The following PPM1H variants were observed in gnomAD, a reference collection of about 807,000 sequenced individuals.
PPM1H encodes protein phosphatase 1H.
Under a neutral mutation model 54.9 loss-of-function variants are expected in PPM1H, and 27 were observed. The observed-to-expected ratio is 0.49, with a 90% CI of 0.36 to 0.68. The LOEUF (loss-of-function observed/expected upper bound fraction) is 0.68. PPM1H is among the 30% of genes least tolerant of loss of function. The pLI, the probability that PPM1H is intolerant of heterozygous loss-of-function variation, is 0.00. For synonymous variants in PPM1H, 305 were observed against 270.8 expected (o/e 1.13, Z -1.24); for missense variants, 596 against 667.8 (o/e 0.89, Z 1.19).
intron 1 of PPM1H, among the ~76,000 whole-genome samples, chr12:62,913,339 G>A (rs746910330): frequency 6.6e-6 from 1 of 152,142 alleles, no homozygotes; most frequent in Non-Finnish European, 1.5e-5. Context: ...TGAGGATGTG[G>A]AAGATGCGCA....
intron 1 of PPM1H, among the ~76,000 whole-genome samples, chr12:62,908,805 G>A (rs997589826): frequency 4.6e-5 from 7 of 152,164 alleles, no homozygotes; most frequent in Non-Finnish European, 1.0e-4. Flanking sequence ...TATGGACCAC[G>A]TTTTCTCAAC....
intron 1 of PPM1H, among the ~76,000 whole-genome samples, chr12:62,890,747 CACACACACAT>C (rs1361827482): frequency 2.9e-5 from 4 of 139,328 alleles, no homozygotes; most frequent in Non-Finnish European, 4.4e-5. Flanking sequence ...CACACACACA[CACACACACAT>C]ATATATATAT....
intron 9 of PPM1H, among the ~76,000 whole-genome samples, chr12:62,662,263 A>T (rs2075888585): frequency 6.6e-6 from 1 of 152,248 alleles, no homozygotes; most frequent in East Asian, 1.9e-4. Flanking sequence ...GCAAAGCTTT[A>T]TAAAAATAAT....
chr12:62,784,174 G>A (rs1394273921), intron 4 of PPM1H, among the ~76,000 whole-genome samples: 1 of 152,176 alleles, frequency 6.6e-6, no homozygotes, highest in Non-Finnish European at 1.5e-5. Flanking sequence ...TCTGTGGCTG[G>A]TTAGCTCGGC....
At chr12:62,740,379 ACTT>A (rs565295226) in intron 4 of PPM1H, among the ~76,000 whole-genome samples, 46 of 152,170 alleles carry the variant, frequency 3.0e-4, no homozygotes, top group Admixed American at 8.5e-4. Flanking sequence ...CAGGGATACA[ACTT>A]CTTCTCCTGG....
chr12:62,789,933 T>A (rs1171391565), intron 3 of PPM1H, among the ~76,000 whole-genome samples: 2 of 152,266 alleles, frequency 1.3e-5, no homozygotes, highest in African/African-American at 2.4e-5. Flanking sequence ...ATTGAATGCC[T>A]GGCTAAAATA....
At chr12:62,848,810 A>C (rs1869070342) in intron 1 of PPM1H, among the ~76,000 whole-genome samples, 1 of 152,152 alleles carries the variant, frequency 6.6e-6, no homozygotes, top group South Asian at 2.1e-4. Flanking sequence ...CAGAAGCTCA[A>C]GAGACTCCTA....
chr12:62,699,881 T>C (rs1170307614), intron 6 of PPM1H, among the ~76,000 whole-genome samples: 2 of 152,232 alleles, frequency 1.3e-5, no homozygotes, highest in African/African-American at 4.8e-5. Flanking sequence ...TAATTGAGCC[T>C]GCCTTATTGA....
chr12:62,817,147 A>T (rs2076873201), intron 2 of PPM1H, among the ~76,000 whole-genome samples: 1 of 133,680 alleles, frequency 7.5e-6, no homozygotes, highest in Non-Finnish European at 1.7e-5. Context: ...GAAAAAAAAA[A>T]AAACTAAAAA....
At chr12:62,720,469 T>C (rs538739526) in intron 5 of PPM1H, among the ~76,000 whole-genome samples, 180 bp from the exon 6 acceptor site, 1 of 152,328 alleles carries the variant, frequency 6.6e-6, no homozygotes, top group South Asian at 2.1e-4. Flanking sequence ...CACATAAAAA[T>C]GAATTTACAA....
intron 9 of PPM1H, among the ~76,000 whole-genome samples, chr12:62,665,866 T>C (rs1377016411): frequency 2.7e-5 from 4 of 148,714 alleles, no homozygotes; most frequent in Non-Finnish European, 5.9e-5. Flanking sequence ...GCCCCCTGAG[T>C]AGTTGGAACC....
chr12:62,927,238 C>A (rs1430277944), intron 1 of PPM1H, among the ~76,000 whole-genome samples: 1 of 152,094 alleles, frequency 6.6e-6, no homozygotes, highest in Non-Finnish European at 1.5e-5. Flanking sequence ...CATAAGGAAA[C>A]AACTGAATGA....
At chr12:62,746,693 C>T (rs2076413640) in intron 4 of PPM1H, among the ~76,000 whole-genome samples, 1 of 152,222 alleles carries the variant, frequency 6.6e-6, no homozygotes, top group African/African-American at 2.4e-5. Context: ...ACTCAACTTA[C>T]ACTGTTGTGT....
chr12:62,841,276 G>C (rs958820519), intron 1 of PPM1H, among the ~76,000 whole-genome samples: 9 of 152,090 alleles, frequency 5.9e-5, no homozygotes, highest in African/African-American at 2.2e-4. Flanking sequence ...TATTGCCCAT[G>C]GGCCAAAGCT....
At chr12:62,675,001 T>C (rs2075977825) in intron 8 of PPM1H, among the ~76,000 whole-genome samples, 2 of 152,180 alleles carry the variant, frequency 1.3e-5, no homozygotes, top group Non-Finnish European at 2.9e-5. Flanking sequence ...CATCAGGCCT[T>C]GATGTAACTG....
chr12:62,755,453 T>G (rs2076467560), intron 4 of PPM1H: 1 of 691,084 alleles, frequency 1.4e-6, no homozygotes, highest in Non-Finnish European at 2.7e-6. Flanking sequence ...ATCACCATCT[T>G]CCAGGAGCGA....
intron 1 of PPM1H, among the ~76,000 whole-genome samples, chr12:62,855,299 A>G (rs1869342039): frequency 6.6e-6 from 1 of 152,078 alleles, no homozygotes; most frequent in African/African-American, 2.4e-5. Context: ...CAGACTGGAG[A>G]CTTTTTAAGT....
intron 2 of PPM1H, among the ~76,000 whole-genome samples, chr12:62,819,754 A>G (rs1360576827): frequency 6.7e-6 from 1 of 150,266 alleles, no homozygotes; most frequent in Non-Finnish European, 1.5e-5. Flanking sequence ...ATTAATTTGT[A>G]TTTTATTTCT....
intron 2 of PPM1H, among the ~76,000 whole-genome samples, chr12:62,814,623 A>G (rs1362938959): frequency 3.9e-5 from 6 of 152,238 alleles, no homozygotes; most frequent in Non-Finnish European, 8.8e-5. Context: ...TCCTTAGCTT[A>G]TTTAATATTA....
Sources: allele counts gnomAD v4.1 joint callset (sites outside exome capture counted in the v4.1 genomes callset), GRCh38; gene constraint gnomAD v4.1.1; transcripts MANE v1.5; gene names NCBI Gene and HGNC (gene_info 2026-07-23, HGNC 2026-07-21).